Variants in CATSPERE observed in about 807,000 individuals in gnomAD.
The protein encoded by CATSPERE is catsper channel auxiliary subunit epsilon.
In CATSPERE, 93 loss-of-function variants were observed where a neutral mutation model predicts 114.1. The observed-to-expected ratio is 0.81, with a 90% CI of 0.69 to 0.97. The LOEUF (loss-of-function observed/expected upper bound fraction) is 0.97, where lower values mean the gene tolerates loss of function less well. CATSPERE is among the 50% of genes least tolerant of loss of function. The probability of loss-of-function intolerance (pLI) is 0.00; values close to 1 mark genes in which losing one functional copy is unlikely to be tolerated. For synonymous variants in CATSPERE, 341 were observed against 384.1 expected, an observed-to-expected ratio of 0.89 and a Z score of 1.31; for missense variants, 1,058 against 1,131.6, an observed-to-expected ratio of 0.93 and a Z score of 0.93.
intron 20 of CATSPERE, among the ~76,000 whole-genome samples, chr1:244,634,855 C>A (rs1375818122): frequency 6.6e-6 from 1 of 152,126 alleles, no homozygotes; most frequent in Non-Finnish European, 1.5e-5. Context: ...TATTCATTTT[C>A]TTTTTTTGAG....
chr1:244,515,868 TA>T (rs1020155450), intron 7 of CATSPERE, among the ~76,000 whole-genome samples: 37 of 149,724 alleles, frequency 2.5e-4, no homozygotes, highest in African/African-American at 8.8e-4. Flanking sequence ...AAAATACTAT[TA>T]AAAATAATAA....
At chr1:244,538,979 G>A (rs1045103430) in intron 8 of CATSPERE, among the ~76,000 whole-genome samples, 12 of 152,066 alleles carry the variant, frequency 7.9e-5, no homozygotes, top group Non-Finnish European at 1.6e-4. Flanking sequence ...CAAGAAACAC[G>A]ATCCATAGGT....
chr1:244,604,309 G>T lies in CATSPERE; in HGVS notation c.2304-1386G>T, dbSNP rs150633172. On this transcript the variant is annotated intron_variant, in intron 17 of 21. Coordinates refer to ENST00000366534, the MANE Select transcript of CATSPERE (RefSeq NM_001130957.2). ...CCTTCTGAGTTCATCTCTTCATGAC[G>T]TCTCAAAACTAAATAGGATGGAAAG... 7.7e-3 allele frequency among the ~76,000 whole-genome samples: 1,167 copies of T among 152,260 alleles called. 14 individuals are homozygous for T. The highest frequency in any genetic ancestry group is 0.018 in the African/African-American group (768 of 41,532).
intron 17 of CATSPERE, 107 bp from the exon 18 acceptor site, chr1:244,605,588 T>A (rs1243787443): frequency 1.6e-6 from 1 of 624,328 alleles, no homozygotes; most frequent in Non-Finnish European, 2.7e-6. Flanking sequence ...CTTTATGAAG[T>A]GATAAAGACA....
rs1389650116 is a variant in CATSPERE at position 244,573,015 on chromosome 1, G to T, written c.1950+243G>T. Among the ~76,000 whole-genome samples the T allele has an allele frequency of 6.6e-6, 1 of 150,918 alleles. No homozygotes were observed. Among genetic ancestry groups the T allele is most frequent in the Non-Finnish European group, 1.5e-5 (1 of 67,808 alleles). On this transcript the variant is annotated intron_variant, in intron 11 of 21. Coordinates refer to ENST00000366534, the MANE Select transcript of CATSPERE (RefSeq NM_001130957.2). The surrounding 1 kb of genome is among the most constrained non-coding windows in gnomAD (Gnocchi z 4.0). The stretch of plus-strand genomic sequence containing the variant: ...TTCAAAACTCATTGTCAATTGTATT[G>T]TTCACTTCTTCTTCTTTTTTTTTTT...
chr1:244,637,674 T>C (rs931374707), intron 21 of CATSPERE, among the ~76,000 whole-genome samples: 4 of 152,192 alleles, frequency 2.6e-5, no homozygotes, highest in African/African-American at 9.7e-5. Flanking sequence ...CAGTACACCC[T>C]CACCCCTCTG....
At chr1:244,497,879 C>A (rs1239467114) in intron 6 of CATSPERE, among the ~76,000 whole-genome samples, 3 of 152,090 alleles carry the variant, frequency 2.0e-5, no homozygotes, top group African/African-American at 7.2e-5. Flanking sequence ...CAATGTATGA[C>A]AAAACCTGAT....
chr1:244,596,887 A>G (rs1041852169), intron 17 of CATSPERE, among the ~76,000 whole-genome samples: 3 of 152,118 alleles, frequency 2.0e-5, no homozygotes, highest in African/African-American at 7.2e-5. Flanking sequence ...CCAAGGTGAC[A>G]TTAGTTAGAA....
chr1:244,601,496 C>T (rs968106556), intron 17 of CATSPERE, among the ~76,000 whole-genome samples: 4 of 152,278 alleles, frequency 2.6e-5, no homozygotes, highest in East Asian at 1.9e-4. Flanking sequence ...AAATCACATA[C>T]GCTGTCATAT....
chr1:244,547,395 T>G (rs1024782890), intron 8 of CATSPERE, among the ~76,000 whole-genome samples: 1 of 152,110 alleles, frequency 6.6e-6, no homozygotes, highest in Non-Finnish European at 1.5e-5. Context: ...ATAAAACCAG[T>G]GGCAAAAATA....
chr1:244,553,618 C>CACACATATATACAT (rs1661076997), intron 9 of CATSPERE, among the ~76,000 whole-genome samples: 3 of 133,466 alleles, frequency 2.2e-5, no homozygotes, highest in African/African-American at 1.0e-4. Flanking sequence ...CACACACACA[C>CACACATATATACAT]ACACACACAC....
At chr1:244,590,240 C>A (rs1010210268) in intron 14 of CATSPERE, among the ~76,000 whole-genome samples, 3 of 152,110 alleles carry the variant, frequency 2.0e-5, no homozygotes, top group African/African-American at 7.2e-5. Flanking sequence ...TCTTATGAAC[C>A]CTAACTAGAA....
chr1:244,578,789 A>G (rs989537302), intron 11 of CATSPERE, among the ~76,000 whole-genome samples: 3 of 138,512 alleles, frequency 2.2e-5, no homozygotes, highest in African/African-American at 7.8e-5. Flanking sequence ...AGGTACATAT[A>G]TATGTATACA....
At chr1:244,561,686 C>T (rs12562837) in intron 10 of CATSPERE, among the ~76,000 whole-genome samples, 18 of 152,036 alleles carry the variant, frequency 1.2e-4, no homozygotes, top group African/African-American at 3.4e-4. Context: ...AAGTTAGAAT[C>T]ATACATTGGG....
intron 1 of CATSPERE, among the ~76,000 whole-genome samples, chr1:244,462,112 A>G (rs1399556274): frequency 2.6e-5 from 4 of 152,218 alleles, no homozygotes. Context: ...GCTCTGAGCC[A>G]TGAGCTATCG....
intron 10 of CATSPERE, among the ~76,000 whole-genome samples, chr1:244,562,793 G>C (rs1662775925): frequency 6.6e-6 from 1 of 151,960 alleles, no homozygotes; most frequent in Admixed American, 6.6e-5. Flanking sequence ...GTGCAGGTTT[G>C]TTACATAGGT....
chr1:244,627,493 T>G (rs1470952925), intron 20 of CATSPERE, among the ~76,000 whole-genome samples: 1 of 152,026 alleles, frequency 6.6e-6, no homozygotes, highest in Non-Finnish European at 1.5e-5. Flanking sequence ...GAGGATCACT[T>G]GAGCCCAGAA....
At chr1:244,497,837 T>C (rs1673369464) in intron 6 of CATSPERE, among the ~76,000 whole-genome samples, 2 of 151,944 alleles carry the variant, frequency 1.3e-5, no homozygotes, top group Non-Finnish European at 2.9e-5. Context: ...GATACCACAG[T>C]ACCATTTTTC....
At chr1:244,584,933 A>G (rs1666819240) in intron 13 of CATSPERE, among the ~76,000 whole-genome samples, 2 of 152,190 alleles carry the variant, frequency 1.3e-5, no homozygotes, top group African/African-American at 2.4e-5. Context: ...CCACGTAGGA[A>G]ATAAGAAACC....
Sources: gnomAD v4.1 joint callset for allele counts (sites outside exome capture counted in the v4.1 genomes callset) on GRCh38, gnomAD v4.1.1 for gene constraint, Gnocchi (gnomAD v3.1) non-coding constraint, MANE v1.5 for transcripts, NCBI Gene and HGNC (gene_info 2026-07-23, HGNC 2026-07-21) for gene names.